The following SLC26A7 variants were observed in gnomAD, a reference collection of about 807,000 sequenced individuals.
SLC26A7 encodes anion exchange transporter.
In SLC26A7, 59 loss-of-function variants were observed where a neutral mutation model predicts 82.5. The observed-to-expected ratio is 0.72, with a 90% CI of 0.58 to 0.89. SLC26A7 has a LOEUF of 0.89. Ranked by LOEUF, SLC26A7 falls within the 40% of genes least tolerant of loss-of-function variation. The pLI is 0.00. For missense variants in SLC26A7, 820 were observed against 793.0 expected (o/e 1.03, Z -0.41); for synonymous variants, 271 against 274.3 (o/e 0.99, Z 0.12).
chr8:91,370,822 T>C (rs941956584), intron 15 of SLC26A7, among the ~76,000 whole-genome samples: 4 of 151,996 alleles, frequency 2.6e-5, no homozygotes, highest in African/African-American at 9.6e-5. Flanking sequence ...AAATTATTCA[T>C]AATTGTGACT....
intron 2 of SLC26A7, among the ~76,000 whole-genome samples, chr8:91,266,149 T>C (rs1811106501): frequency 6.6e-6 from 1 of 151,958 alleles, no homozygotes; most frequent in Non-Finnish European, 1.5e-5. Flanking sequence ...CTCTGTAGTA[T>C]ATTTTGAAGT....
At chr8:91,280,800 G>A (rs1811551032) in intron 2 of SLC26A7, among the ~76,000 whole-genome samples, 1 of 152,170 alleles carries the variant, frequency 6.6e-6, no homozygotes, top group African/African-American at 2.4e-5. Context: ...TGGCCCTGTG[G>A]TGTATTCCAA....
At chr8:91,318,505 T>C (rs1004095906) in intron 5 of SLC26A7, 125 bp downstream of exon 5, 30 of 764,380 alleles carry the variant, frequency 3.9e-5, no homozygotes, top group Admixed American at 1.4e-4. Flanking sequence ...TAAAATCTTA[T>C]AGGATATTTT....
rs1811797254 is a variant in SLC26A7 at position 91,289,251 on chromosome 8, T to TA, written c.304+7dup. 1.9e-6 allele frequency: 3 copies of TA among 1,593,226 alleles called. No individual in the cohort carries two copies. The highest frequency in any genetic ancestry group is 2.6e-6 in the Non-Finnish European group (3 of 1,161,058). On this transcript the variant is annotated splice_donor_region_variant and intron_variant, in intron 3 of 18. Transcript: ENST00000276609. ...TGGGACATCATGTTGCCACAGGTAA[T>TA]AATTCCTATGTTTATGCTTCTAATG... is the stretch of plus-strand genomic sequence containing the variant.
intron 2 of SLC26A7, among the ~76,000 whole-genome samples, chr8:91,258,430 A>G (rs1810867218): frequency 6.6e-6 from 1 of 152,008 alleles, no homozygotes; most frequent in African/African-American, 2.4e-5. Flanking sequence ...TCATGCCAGA[A>G]ACCTGGGAGT....
intron 15 of SLC26A7, among the ~76,000 whole-genome samples, chr8:91,386,844 A>G (rs998770311): frequency 1.3e-5 from 2 of 152,214 alleles, no homozygotes; most frequent in East Asian, 3.8e-4. Context: ...GCCCCAACTC[A>G]TTACTGACTT....
In SLC26A7 at chr8:91,353,107, A is replaced by C. The variant is rs570381534; in HGVS notation, c.1314+111A>C. On this transcript the variant is annotated intron_variant, in intron 11 of 18. Coordinates refer to ENST00000276609, the MANE Select transcript of SLC26A7 (RefSeq NM_052832.4). Reference sequence around the variant, plus strand: ...ATAGATATTGTCATTTGAGACTTGTACACTTTACAAACTACCATTTTTTTT... The same window carrying C: ...ATAGATATTGTCATTTGAGACTTGTCCACTTTACAAACTACCATTTTTTTT... 3.1e-4 allele frequency: 200 copies of C among 648,006 alleles called. 3 individuals are homozygous for C. In the South Asian group the frequency reaches 5.3e-3, roughly 17 times the overall value. The allele number at this position is 648,006 out of a possible 1,614,324, so 40.1% of individuals were successfully genotyped here.
chr8:91,248,602 C>T (rs1810581002), upstream of SLC26A7, among the ~76,000 whole-genome samples: 1 of 151,958 alleles, frequency 6.6e-6, no homozygotes, highest in Non-Finnish European at 1.5e-5. Flanking sequence ...AAATAAAAAT[C>T]TTTGACAGTC....
Position 91,393,929 on chromosome 8 carries a change from C to T in SLC26A7, c.1832-7C>T. ...TGTATTCTTATATCACTTGTGCTTT[C>T]TTGAAGCTTCCTTGATAAAAGCAAT... On this transcript the variant is annotated splice_polypyrimidine_tract_variant and splice_region_variant and intron_variant, in intron 17 of 18. Coordinates refer to ENST00000276609, the MANE Select transcript of SLC26A7 (RefSeq NM_052832.4). 6.2e-7 allele frequency: 1 copy of T among 1,613,106 alleles called. No homozygotes were observed. The highest frequency in any genetic ancestry group is 8.5e-7 in the Non-Finnish European group (1 of 1,179,350).
At chr8:91,240,886 G>A (rs1046883896) in intron 2 of SLC26A7, among the ~76,000 whole-genome samples, 1 of 152,146 alleles carries the variant, frequency 6.6e-6, no homozygotes, top group African/African-American at 2.4e-5. Flanking sequence ...ACACAACAGT[G>A]TTGAGTGAGA....
At chr8:91,339,028 A>C (rs556020414) in intron 7 of SLC26A7, among the ~76,000 whole-genome samples, 3 of 152,186 alleles carry the variant, frequency 2.0e-5, no homozygotes, top group Non-Finnish European at 4.4e-5. Flanking sequence ...TAAAAATCCT[A>C]TCTTTAGCAC....
At position 91,249,770 on chromosome 8, in the gene SLC26A7, A is replaced by G. The variant is rs1004399625; in HGVS notation, c.119A>G (p.His40Arg). Reference sequence around the variant, plus strand: ...CTGCCCATTTTGGATTGGGCACCACATTACAATCTGAAAGAAAACTTGCTT... The same window carrying G: ...CTGCCCATTTTGGATTGGGCACCACGTTACAATCTGAAAGAAAACTTGCTT... ...RRLPILDWAP[H>R]YNLKENLLPD... Residue 40 changes from histidine (H) to arginine (R), a missense_variant, in exon 2 of 19, where the codon CAT (histidine) becomes CGT (arginine). Physicochemically the swap from His to Arg is conservative, Grantham distance 29 (BLOSUM62 0). Coordinates refer to ENST00000276609, the MANE Select transcript of SLC26A7 (RefSeq NM_052832.4). The G allele has an allele frequency of 1.9e-6, 3 of 1,612,462 alleles. No individual in the cohort carries two copies. Among genetic ancestry groups the G allele is most frequent in the African/African-American group, 2.7e-5 (2 of 74,810 alleles).
chr8:91,240,581 C>T (rs1402512479), intron 2 of SLC26A7, among the ~76,000 whole-genome samples: 1 of 152,114 alleles, frequency 6.6e-6, no homozygotes, highest in Non-Finnish European at 1.5e-5. Context: ...GTACTTTAAT[C>T]TCCACTGTCT....
chr8:91,317,950 AT>A, intron 4 of SLC26A7, among the ~76,000 whole-genome samples: 1 of 146,934 alleles, frequency 6.8e-6, no homozygotes. Flanking sequence ...ATATATATAT[AT>A]ATATATAAAA....
intron 6 of SLC26A7, among the ~76,000 whole-genome samples, chr8:91,335,712 G>A (rs1241751615): frequency 1.3e-5 from 2 of 152,044 alleles, no homozygotes; most frequent in African/African-American, 4.8e-5. Context: ...TAAGACCCAA[G>A]GAAAAAGTAC....
chr8:91,277,203 A>G (rs1203692138), intron 2 of SLC26A7, among the ~76,000 whole-genome samples: 2 of 152,102 alleles, frequency 1.3e-5, no homozygotes, highest in Admixed American at 6.6e-5. Flanking sequence ...TTCACAAAAT[A>G]TTCTCTCTAC....
intron 2 of SLC26A7, among the ~76,000 whole-genome samples, chr8:91,234,923 T>C (rs1810372037): frequency 1.3e-5 from 2 of 151,436 alleles, no homozygotes; most frequent in Admixed American, 6.6e-5. Flanking sequence ...TTTCTTTCTT[T>C]CTTTTTCTTT....
chr8:91,332,511 CA>C (rs1813120484), intron 5 of SLC26A7, among the ~76,000 whole-genome samples: 1 of 146,256 alleles, frequency 6.8e-6, no homozygotes, highest in Non-Finnish European at 1.5e-5. Flanking sequence ...CACACACACA[CA>C]CACACACACA....
intron 5 of SLC26A7, among the ~76,000 whole-genome samples, chr8:91,332,166 C>CAT (rs901693993): frequency 7.8e-4 from 113 of 145,732 alleles, no homozygotes; most frequent in Middle Eastern, 8.0e-3. Flanking sequence ...TATACACACA[C>CAT]ATATATATAT....
Sources: allele counts gnomAD v4.1 joint callset (sites outside exome capture counted in the v4.1 genomes callset), GRCh38; gene constraint gnomAD v4.1.1; transcripts MANE v1.5; gene names NCBI Gene and HGNC (gene_info 2026-07-23, HGNC 2026-07-21).